Variants in WDR41 observed in about 807,000 individuals in gnomAD.
WDR41 encodes the protein WD repeat domain 41.
WDR41 carries 63 observed loss-of-function variants against 69.3 expected under a neutral mutation model. That is an observed-to-expected ratio of 0.91 (90% CI 0.74 to 1.12). The LOEUF (loss-of-function observed/expected upper bound fraction) is 1.12, where lower values mean the gene tolerates loss of function less well. Among genes scored for constraint, WDR41 ranks in the 50% most tolerant of loss-of-function variants. WDR41 has a pLI of 0.00. For missense variants in WDR41, 543 were observed against 534.5 expected (o/e 1.02, Z -0.16); for synonymous variants, 185 against 192.1 (o/e 0.96, Z 0.31).
chr5:77,458,875 T>G (rs463592), intron 5 of WDR41, 187 bp downstream of exon 5: 45,898 of 427,150 alleles, frequency 0.11, 3,620 homozygotes, highest in African/African-American at 0.25. Flanking sequence ...AATTTCAAAT[T>G]GAAACATTCT....
intron 1 of WDR41, among the ~76,000 whole-genome samples, chr5:77,540,723 T>TAGGG (rs137909780): frequency 1.4e-3 from 111 of 78,378 alleles, no homozygotes; most frequent in African/African-American, 5.3e-3. Context: ...GAAAAGAATG[T>TAGGG]AGGGAGGGAG....
At position 77,492,203 on chromosome 5, in the gene WDR41, GAT is replaced by G; in HGVS notation, c.16_17del (p.Ile6ArgfsTer20). The stretch of plus-strand genomic sequence containing the variant: ...GTCCCTGCGGTTCTCGGCCTCCCCC[GAT>G]CAGCCATCGCAACATCCGGGCAGCG... MLRWL[I>X]GGGREPQGLA... On this transcript the variant is annotated frameshift_variant, in exon 1 of 13. Transcript: ENST00000296679. LOFTEE classifies it high-confidence loss of function. 6.2e-7 allele frequency: 1 copy of G among 1,612,370 alleles called. No individual in the cohort carries two copies. The highest frequency in any genetic ancestry group is 8.5e-7 in the Non-Finnish European group (1 of 1,179,440).
intron 1 of WDR41, among the ~76,000 whole-genome samples, chr5:77,490,063 T>C (rs1222926364): frequency 1.3e-5 from 2 of 152,160 alleles, no homozygotes; most frequent in Non-Finnish European, 2.9e-5. Context: ...CAACTCTGGA[T>C]TTCTCAAACT....
Position 77,451,364 on chromosome 5 carries a change from A to G in WDR41, c.524-11T>C. 6.2e-7 allele frequency: 1 copy of G among 1,611,058 alleles called. No homozygotes were observed. The highest frequency in any genetic ancestry group is 1.3e-5 in the African/African-American group (1 of 74,934). Reference sequence around the variant, plus strand: ...CCAAAGCACTAATACCTCCAAAAACATATAAAACAAAGTTCAAATTATTTT... The same window carrying G: ...CCAAAGCACTAATACCTCCAAAAACGTATAAAACAAAGTTCAAATTATTTT... On this transcript the variant is annotated splice_polypyrimidine_tract_variant and intron_variant, in intron 6 of 12. Transcript: ENST00000296679.
At chr5:77,584,043 T>A (rs1337036090) in intron 1 of WDR41, among the ~76,000 whole-genome samples, 1 of 152,128 alleles carries the variant, frequency 6.6e-6, no homozygotes, top group Non-Finnish European at 1.5e-5. Flanking sequence ...CCAACACCCT[T>A]TTATGATAAA....
intron 2 of WDR41, among the ~76,000 whole-genome samples, chr5:77,475,502 G>T (rs528492794): frequency 6.6e-6 from 1 of 152,262 alleles, no homozygotes; most frequent in Admixed American, 6.5e-5. Context: ...TCCTCAAGTG[G>T]GTCCCTGACC....
intron 1 of WDR41, among the ~76,000 whole-genome samples, chr5:77,504,496 A>G (rs1802075255): frequency 6.6e-6 from 1 of 152,232 alleles, no homozygotes; most frequent in Admixed American, 6.5e-5. Flanking sequence ...TCAATAGAAA[A>G]AGAGGGAATC....
At chr5:77,504,331 T>C (rs1403178307) in intron 1 of WDR41, among the ~76,000 whole-genome samples, 3 of 152,100 alleles carry the variant, frequency 2.0e-5, no homozygotes, top group Admixed American at 6.6e-5. Flanking sequence ...CAGGAAGAAG[T>C]TGAATTTCTG....
rs183987462 is a variant in WDR41 at position 77,442,621 on chromosome 5, G to A, written c.698-1624C>T. ...AAAACCTTTAAAAAAAGCCGGGTGC[G>A]GTGGCTCACACCTGTAATCCCAGCA... On this transcript the variant is annotated intron_variant, in intron 8 of 12. Transcript: ENST00000296679. Among the ~76,000 whole-genome samples, 470 of 151,680 alleles carry A rather than the reference G, an allele frequency of 3.1e-3. 3 individuals are homozygous for A. Among genetic ancestry groups the A allele is most frequent in the African/African-American group, 0.011 (445 of 41,360 alleles).
chr5:77,554,736 T>C (rs1238733160), intron 1 of WDR41, among the ~76,000 whole-genome samples: 1 of 151,708 alleles, frequency 6.6e-6, no homozygotes, highest in African/African-American at 2.4e-5. Context: ...GGTGTAGTTA[T>C]AAAGAGCAAC....
At chr5:77,516,120 G>T (rs1023938148) in intron 1 of WDR41, among the ~76,000 whole-genome samples, 1 of 152,184 alleles carries the variant, frequency 6.6e-6, no homozygotes, top group African/African-American at 2.4e-5. Flanking sequence ...GACAAGCAGT[G>T]AAATGGTAGG....
chr5:77,567,770 G>C (rs1054179405), intron 1 of WDR41, among the ~76,000 whole-genome samples: 2 of 151,490 alleles, frequency 1.3e-5, no homozygotes, highest in African/African-American at 4.9e-5. Flanking sequence ...TAGAGAGTCT[G>C]ACTTAATAGG....
Position 77,437,408 on chromosome 5 carries a change from A to AG in WDR41, c.1020dup (p.Ser341LeufsTer20). The AG allele has an allele frequency of 6.2e-7, 1 of 1,613,892 alleles. No homozygotes were observed. Among genetic ancestry groups the AG allele is most frequent in the Non-Finnish European group, 8.5e-7 (1 of 1,179,872 alleles). ...CAAATGCGTACACTGCCATCTTCTG[A>AG]GCATGAGATTAACTGCCTGTCAGAA... On this transcript the variant is annotated frameshift_variant, in exon 11 of 13. Transcript: ENST00000296679. LOFTEE classifies it high-confidence loss of function.
At chr5:77,461,865 C>G (rs1410262228) in intron 4 of WDR41, among the ~76,000 whole-genome samples, 1 of 151,904 alleles carries the variant, frequency 6.6e-6, no homozygotes, top group Non-Finnish European at 1.5e-5. Context: ...CTGACAACCT[C>G]TTTTAAAAAA....
chr5:77,611,330 C>T (rs1183859337), intron 1 of WDR41, among the ~76,000 whole-genome samples: 3 of 152,246 alleles, frequency 2.0e-5, no homozygotes, highest in African/African-American at 7.2e-5. Context: ...CAGAACTCTC[C>T]ACCCCAAATC....
intron 2 of WDR41, among the ~76,000 whole-genome samples, chr5:77,471,530 T>C (rs1402824846): frequency 2.6e-5 from 4 of 151,806 alleles, no homozygotes; most frequent in Admixed American, 6.6e-5. Flanking sequence ...AGAACGCTAG[T>C]AAGACTAATA....
At chr5:77,540,719 AATGTAGGG>A (rs1743073484) in intron 1 of WDR41, among the ~76,000 whole-genome samples, 1 of 124,410 alleles carries the variant, frequency 8.0e-6, no homozygotes, top group Admixed American at 8.0e-5. Context: ...AAAAGAAAAG[AATGTAGGG>A]AGGGAGGGAG....
intron 1 of WDR41, among the ~76,000 whole-genome samples, chr5:77,520,303 G>A (rs1305908923): frequency 2.0e-5 from 3 of 152,090 alleles, no homozygotes; most frequent in Non-Finnish European, 2.9e-5. Context: ...ATGATTCTAT[G>A]CTATGATTGA....
chr5:77,450,193 T>C lies in WDR41; in HGVS notation c.587-323A>G, dbSNP rs577632200. On this transcript the variant is annotated intron_variant, in intron 7 of 12. Transcript: ENST00000296679. ...CTCAACTCACTCCCTCCCTAATCAGTGACTAGCCCACATCCCTCAATCACC... is the reference window on the plus strand; with the variant it reads ...CTCAACTCACTCCCTCCCTAATCAGCGACTAGCCCACATCCCTCAATCACC... 4.6e-5 allele frequency among the ~76,000 whole-genome samples: 7 copies of C among 152,270 alleles called. No homozygotes were observed. The South Asian group carries it at 1.2e-3, about 27-fold the overall frequency.
Sources: gnomAD v4.1 joint callset for allele counts (sites outside exome capture counted in the v4.1 genomes callset) on GRCh38, gnomAD v4.1.1 for gene constraint, MANE v1.5 for transcripts, NCBI Gene and HGNC (gene_info 2026-07-23, HGNC 2026-07-21) for gene names.